Variants in CNTN4 observed in about 807,000 individuals in gnomAD.
The protein encoded by CNTN4 is contactin 4.
In CNTN4, 77 loss-of-function variants were observed where a neutral mutation model predicts 122.5. The observed-to-expected ratio is 0.63, with a 90% CI of 0.52 to 0.76. The LOEUF is 0.76. CNTN4 is among the 30% of genes least tolerant of loss of function. The pLI is 0.00. For synonymous variants in CNTN4, 512 were observed against 447.0 expected, an observed-to-expected ratio of 1.15 and a Z score of -1.83; for missense variants, 1,256 against 1,259.1, an observed-to-expected ratio of 1.00 and a Z score of 0.04.
chr3:2,597,574 G>T (rs1162680814), intron 4 of CNTN4, among the ~76,000 whole-genome samples: 1 of 152,104 alleles, frequency 6.6e-6, no homozygotes, highest in Non-Finnish European at 1.5e-5. Flanking sequence ...CTGTTCCCCA[G>T]GAAAGGTGCA....
chr3:2,642,984 A>G (rs903737598), intron 4 of CNTN4, among the ~76,000 whole-genome samples: 2 of 152,194 alleles, frequency 1.3e-5, no homozygotes, highest in African/African-American at 4.8e-5. Context: ...AATAAAATAT[A>G]CCTCATAGGG....
chr3:2,864,784 T>C (rs1418861998), intron 7 of CNTN4, among the ~76,000 whole-genome samples: 1 of 149,974 alleles, frequency 6.7e-6, no homozygotes, highest in Non-Finnish European at 1.5e-5. Flanking sequence ...CAACTCTCCT[T>C]GGAGAAATGT....
chr3:2,861,184 C>G (rs920991285), intron 7 of CNTN4, among the ~76,000 whole-genome samples: 3 of 152,196 alleles, frequency 2.0e-5, no homozygotes, highest in Admixed American at 1.3e-4. Flanking sequence ...AAATTACTTT[C>G]CTGCTGATTA....
intron 13 of CNTN4, among the ~76,000 whole-genome samples, chr3:2,983,054 A>C (rs1015850082): frequency 6.6e-5 from 10 of 151,572 alleles, no homozygotes; most frequent in African/African-American, 2.4e-4. Context: ...CTCTACTAAA[A>C]ATACAAAAAA....
intron 3 of CNTN4, among the ~76,000 whole-genome samples, chr3:2,446,419 C>A (rs1361566145): frequency 2.0e-5 from 3 of 152,080 alleles, no homozygotes; most frequent in Non-Finnish European, 4.4e-5. Context: ...TCTTCTATAG[C>A]CTCCAGAGTT....
intron 3 of CNTN4, among the ~76,000 whole-genome samples, chr3:2,340,740 G>GAGAGAGAGAGAGAGAGAGAGA (rs2044179887): frequency 7.3e-6 from 1 of 136,114 alleles, no homozygotes; most frequent in African/African-American, 2.7e-5. Flanking sequence ...GAGAGAGAGA[G>GAGAGAGAGAGAGAGAGAGAGA]TCAGAAATTT....
At chr3:2,576,128 C>T (rs1032915201) in intron 4 of CNTN4, among the ~76,000 whole-genome samples, 4 of 152,178 alleles carry the variant, frequency 2.6e-5, no homozygotes, top group Non-Finnish European at 5.9e-5. Context: ...AGCCACCACG[C>T]CCAGCCGCTT....
chr3:2,276,113 T>A (rs1225153523), intron 2 of CNTN4, among the ~76,000 whole-genome samples: 1 of 152,086 alleles, frequency 6.6e-6, no homozygotes, highest in Non-Finnish European at 1.5e-5. Context: ...TCATGTCATA[T>A]CTTTTTAACA....
chr3:2,925,585 GA>G, intron 12 of CNTN4, 43 bp from the exon 13 acceptor site: 1 of 1,583,684 alleles, frequency 6.3e-7, no homozygotes, highest in Non-Finnish European at 8.7e-7. Context: ...TTATCTCATG[GA>G]AGGCTGTCTT....
At chr3:2,693,194 T>C (rs1408118549) in intron 4 of CNTN4, among the ~76,000 whole-genome samples, 1 of 152,210 alleles carries the variant, frequency 6.6e-6, no homozygotes, top group African/African-American at 2.4e-5. Flanking sequence ...TTTGTTTCTT[T>C]GAGCTAAAAT....
intron 6 of CNTN4, among the ~76,000 whole-genome samples, chr3:2,798,830 G>T (rs1322542402): frequency 6.6e-6 from 1 of 152,024 alleles, no homozygotes; most frequent in African/African-American, 2.4e-5. Flanking sequence ...TTGATATAAT[G>T]ATTTTTTTTT....
chr3:2,770,561 C>G (rs1365228417), intron 6 of CNTN4, among the ~76,000 whole-genome samples: 1 of 152,220 alleles, frequency 6.6e-6, no homozygotes, highest in African/African-American at 2.4e-5. Flanking sequence ...AAAATAGTGT[C>G]TCTTTTTCTA....
At chr3:2,853,284 G>A (rs966717803) in intron 7 of CNTN4, among the ~76,000 whole-genome samples, 13 of 151,924 alleles carry the variant, frequency 8.6e-5, no homozygotes, top group African/African-American at 9.7e-5. Context: ...TCACTCTGTC[G>A]CCCAGGCTGG....
intron 3 of CNTN4, among the ~76,000 whole-genome samples, chr3:2,460,091 T>C (rs905111881): frequency 6.6e-6 from 1 of 152,062 alleles, no homozygotes; most frequent in Non-Finnish European, 1.5e-5. Flanking sequence ...CTCTGATAGA[T>C]CTCTAATATA....
intron 2 of CNTN4, among the ~76,000 whole-genome samples, chr3:2,227,971 A>C (rs2149527161): frequency 6.6e-6 from 1 of 152,314 alleles, no homozygotes; most frequent in African/African-American, 2.4e-5. Context: ...ATTAGAAGTA[A>C]AGTATTACTG....
chr3:3,043,065 T>G lies in CNTN4; in HGVS notation c.2600T>G (p.Leu867Ter). 6.2e-7 allele frequency: 1 copy of G among 1,614,118 alleles called. No individual in the cohort carries two copies. The highest frequency in any genetic ancestry group is 8.5e-7 in the Non-Finnish European group (1 of 1,180,000). ...GNQTSTKITN[L>*]KGSVLYHLAV... ...CAGACATCAACAAAAATCACGAACTTAAAAGGCAGTGTGCTGTATCACTTA... is the reference window on the plus strand; with the variant it reads ...CAGACATCAACAAAAATCACGAACTGAAAAGGCAGTGTGCTGTATCACTTA... Residue 867 changes from leucine to a stop codon, truncating the protein, a stop_gained, in exon 22 of 25, where the codon TTA becomes TGA. Coordinates refer to ENST00000418658, the MANE Select transcript of CNTN4 (RefSeq NM_175607.3). LOFTEE classifies it high-confidence loss of function.
chr3:2,366,726 C>T (rs77135876), intron 3 of CNTN4, among the ~76,000 whole-genome samples: 1 of 139,350 alleles, frequency 7.2e-6, no homozygotes, highest in East Asian at 2.0e-4. Flanking sequence ...GACTCTGTCT[C>T]AAAAAAAAAA....
intron 2 of CNTN4, among the ~76,000 whole-genome samples, chr3:2,306,828 T>C (rs1018956116): frequency 2.0e-5 from 3 of 152,172 alleles, no homozygotes; most frequent in African/African-American, 7.2e-5. Flanking sequence ...TGTACACATC[T>C]TTAATATACT....
chr3:2,676,474 G>T (rs536846793), intron 4 of CNTN4, among the ~76,000 whole-genome samples: 1 of 152,100 alleles, frequency 6.6e-6, no homozygotes, highest in South Asian at 2.1e-4. Context: ...CGGCTGCCTC[G>T]GCCTCCCAGA....
Sources: allele counts gnomAD v4.1 joint callset (sites outside exome capture counted in the v4.1 genomes callset), GRCh38; gene constraint gnomAD v4.1.1; transcripts MANE v1.5; gene names NCBI Gene and HGNC (gene_info 2026-07-23, HGNC 2026-07-21).